PUDP: variants seen among roughly 807,000 people sequenced by gnomAD.
The protein encoded by PUDP is pseudouridine 5'-phosphatase.
Under a neutral mutation model 9.4 loss-of-function variants are expected in PUDP, and 8 were observed. That is an observed-to-expected ratio of 0.85 (90% CI 0.50 to 1.53). The LOEUF (loss-of-function observed/expected upper bound fraction) is 1.53, where lower values mean the gene tolerates loss of function less well. Among genes scored for constraint, PUDP ranks in the 40% most tolerant of loss-of-function variants. The probability of loss-of-function intolerance (pLI) is 0.00; values close to 1 mark genes in which losing one functional copy is unlikely to be tolerated. For synonymous variants in PUDP, 99 were observed against 80.7 expected (o/e 1.23, Z -1.22); for missense variants, 188 against 189.7 (o/e 0.99, Z 0.05).
intron 3 of PUDP, among the ~76,000 whole-genome samples, chrX:6,839,517 T>TTTG (rs1338926026): frequency 1.8e-5 from 2 of 111,990 alleles, no homozygotes; most frequent in Non-Finnish European, 3.8e-5. Flanking sequence ...TGGACCATTC[T>TTTG]TTGTGAGTCA....
intron 1 of PUDP, among the ~76,000 whole-genome samples, chrX:7,108,908 C>T (rs1160469514): frequency 8.9e-6 from 1 of 111,996 alleles, no homozygotes; most frequent in African/African-American, 3.2e-5. Context: ...CTCAGAACCT[C>T]CACCGTTCTG....
chrX:7,004,223 T>C (rs1460975359), intron 1 of PUDP, among the ~76,000 whole-genome samples: 2 of 111,959 alleles, frequency 1.8e-5, no homozygotes, highest in African/African-American at 6.5e-5. Context: ...TAATAATAAA[T>C]AAATAAACAG....
At chrX:6,986,112 G>A (rs1261774552) in intron 1 of PUDP, among the ~76,000 whole-genome samples, 1 of 111,522 alleles carries the variant, frequency 9.0e-6, no homozygotes. Context: ...AAAAAGGGGA[G>A]GCATGAATAA....
intron 1 of PUDP, among the ~76,000 whole-genome samples, chrX:6,717,141 C>A (rs1486803338): frequency 2.7e-5 from 3 of 111,684 alleles, no homozygotes; most frequent in Non-Finnish European, 5.6e-5. Flanking sequence ...TTCATCCTCA[C>A]CTTCGGTAGG....
intron 3 of PUDP, among the ~76,000 whole-genome samples, chrX:6,898,789 A>G (rs144826449): frequency 8.9e-6 from 1 of 111,992 alleles, no homozygotes; most frequent in East Asian, 2.8e-4. Flanking sequence ...TTTTTTGCCA[A>G]TCATTTAAAA....
intron 1 of PUDP, among the ~76,000 whole-genome samples, chrX:6,982,023 T>TACACACACACACACACACACACAC (rs59016698): frequency 3.4e-5 from 3 of 86,984 alleles, no homozygotes; most frequent in African/African-American, 8.5e-5. Flanking sequence ...AACTTATGGA[T>TACACACACACACACACACACACAC]ACACACACAC....
intron 1 of PUDP, among the ~76,000 whole-genome samples, chrX:7,115,065 ATAATAGT>A (rs1932158471): frequency 8.9e-6 from 1 of 112,377 alleles, no homozygotes; most frequent in African/African-American, 3.2e-5. Context: ...TTCTCAGTTA[ATAATAGT>A]TAATTAGGCC....
chrX:6,842,903 T>C, intron 3 of PUDP, among the ~76,000 whole-genome samples: 1 of 112,347 alleles, frequency 8.9e-6, no homozygotes, highest in Middle Eastern at 4.6e-3. Flanking sequence ...CCAGAGAGTG[T>C]TACAATGGGT....
chrX:6,720,258 G>A (rs189123079), intron 1 of PUDP, among the ~76,000 whole-genome samples: 10,549 of 48,633 alleles, frequency 0.22, 1,379 homozygotes, highest in Non-Finnish European at 0.27. Context: ...GTGTGTGTGT[G>A]TATATATATA....
intron 1 of PUDP, among the ~76,000 whole-genome samples, chrX:7,118,700 T>A (rs1417193072): frequency 1.8e-5 from 2 of 112,373 alleles, no homozygotes; most frequent in Admixed American, 9.4e-5. Flanking sequence ...GAGACAAATA[T>A]TTCTAAGTTG....
intron 3 of PUDP, among the ~76,000 whole-genome samples, chrX:6,860,440 G>A (rs1356249497): frequency 9.3e-6 from 1 of 106,985 alleles, no homozygotes; most frequent in Non-Finnish European, 1.9e-5. Flanking sequence ...GTGCCTCCAA[G>A]CCCATGTTTT....
At chrX:6,776,367 A>G (rs1369257166) in intron 3 of PUDP, among the ~76,000 whole-genome samples, 1 of 109,589 alleles carries the variant, frequency 9.1e-6, no homozygotes, top group Non-Finnish European at 1.9e-5. Context: ...CCCGATCTCC[A>G]CTAAAAATAC....
intron 3 of PUDP, among the ~76,000 whole-genome samples, chrX:6,741,823 TC>T (rs1175973924): frequency 1.2e-4 from 12 of 98,421 alleles, no homozygotes; most frequent in African/African-American, 4.9e-4. Flanking sequence ...TCTCTCTCTC[TC>T]TCTCTCTTTC....
intron 1 of PUDP, among the ~76,000 whole-genome samples, chrX:6,981,118 A>G (rs1385999412): frequency 2.7e-5 from 3 of 112,197 alleles, no homozygotes; most frequent in Admixed American, 9.5e-5. Flanking sequence ...TTCAGCATCA[A>G]CTAAATTCAA....
intron 3 of PUDP, among the ~76,000 whole-genome samples, chrX:6,765,389 G>A (rs1024811942): frequency 2.7e-5 from 3 of 112,056 alleles, no homozygotes; most frequent in Admixed American, 9.5e-5. Flanking sequence ...CTAGAAAATC[G>A]TAAAGCCTTA....
chrX:6,891,685 T>C lies in PUDP; in HGVS notation c.*247+85448A>G, dbSNP rs763205320. ...TGCCTTTCCACAAGCCACTGCCTTCTGCCTTGGACAAGTCATTGACTTCTG... is the reference window on the plus strand; with the variant it reads ...TGCCTTTCCACAAGCCACTGCCTTCCGCCTTGGACAAGTCATTGACTTCTG... On this transcript the variant is annotated intron_variant and NMD_transcript_variant, in intron 3 of 3. Coordinates refer to the PUDP transcript ENST00000655425. Among the ~76,000 whole-genome samples the C allele has an allele frequency of 8.9e-5, 10 of 112,185 alleles. 1 individual carries two copies. The East Asian group carries it at 2.8e-3, about 32-fold the overall frequency.
intron 3 of PUDP, among the ~76,000 whole-genome samples, chrX:6,769,099 A>G (rs1224010405): frequency 8.9e-6 from 1 of 111,955 alleles, no homozygotes; most frequent in Non-Finnish European, 1.9e-5. Flanking sequence ...ACAGTGTGTA[A>G]ATATTTGCTG....
At chrX:6,976,529 A>T (rs1434801974) in intron 3 of PUDP, among the ~76,000 whole-genome samples, 1 of 111,673 alleles carries the variant, frequency 9.0e-6, no homozygotes, top group Non-Finnish European at 1.9e-5. Context: ...CATGGGCTGC[A>T]CCCACTGTCT....
chrX:6,855,407 T>C (rs1271094840), intron 3 of PUDP, among the ~76,000 whole-genome samples: 1 of 111,833 alleles, frequency 8.9e-6, no homozygotes, highest in Non-Finnish European at 1.9e-5. Flanking sequence ...AATTTTTGAC[T>C]ACACAGGTGT....
Sources: allele counts gnomAD v4.1 joint callset (sites outside exome capture counted in the v4.1 genomes callset), GRCh38; gene constraint gnomAD v4.1.1; transcripts MANE v1.5; gene names NCBI Gene and HGNC (gene_info 2026-07-23, HGNC 2026-07-21).